Variants in EDIL3 observed in about 807,000 individuals in gnomAD.
EDIL3 encodes the protein EGF-like repeat and discoidin I-like domain-containing protein 3.
Under a neutral mutation model 67.4 loss-of-function variants are expected in EDIL3, and 37 were observed. The ratio of observed to expected loss-of-function variants is 0.55; its 90% CI spans 0.42 to 0.72. The LOEUF (loss-of-function observed/expected upper bound fraction) is 0.72. Among genes scored for constraint, EDIL3 ranks in the 30% least tolerant of loss-of-function variants. The probability of loss-of-function intolerance (pLI) is 0.00; values close to 1 mark genes in which losing one functional copy is unlikely to be tolerated. For missense variants in EDIL3, 527 were observed against 586.3 expected (o/e 0.90, Z 1.04); for synonymous variants, 195 against 196.3 (o/e 0.99, Z 0.05).
At chr5:84,246,090 T>C (rs1429827809) in intron 2 of EDIL3, among the ~76,000 whole-genome samples, 5 of 152,228 alleles carry the variant, frequency 3.3e-5, no homozygotes, top group Non-Finnish European at 7.3e-5. Context: ...TATGTGTTTA[T>C]CAACTTGTTG....
chr5:83,975,981 G>C (rs907815203), intron 9 of EDIL3, among the ~76,000 whole-genome samples: 2 of 151,810 alleles, frequency 1.3e-5, no homozygotes, highest in African/African-American at 4.8e-5. Flanking sequence ...TTCAAGAAAT[G>C]CTAAAATATC....
intron 6 of EDIL3, among the ~76,000 whole-genome samples, chr5:84,077,329 T>C (rs1746880390): frequency 6.6e-6 from 1 of 152,224 alleles, no homozygotes; most frequent in South Asian, 2.1e-4. Context: ...TCAAGGGATA[T>C]GTGAACTGCA....
chr5:84,221,182 G>A (rs1744334096), intron 3 of EDIL3, among the ~76,000 whole-genome samples: 1 of 152,032 alleles, frequency 6.6e-6, no homozygotes, highest in Non-Finnish European at 1.5e-5. Context: ...AAACATAATG[G>A]TCTTAAGGCT....
At chr5:84,303,948 C>A (rs1746215782) in intron 1 of EDIL3, among the ~76,000 whole-genome samples, 1 of 151,688 alleles carries the variant, frequency 6.6e-6, no homozygotes, top group Non-Finnish European at 1.5e-5. Context: ...TTACAGCTAA[C>A]TTTTCCATTC....
intron 5 of EDIL3, among the ~76,000 whole-genome samples, chr5:84,119,212 G>GTTTTTTTTT (rs66522256): frequency 2.3e-4 from 19 of 82,294 alleles, no homozygotes; most frequent in East Asian, 3.9e-4. Context: ...CATGCATTTG[G>GTTTTTTTTT]TTTTTTTTTT....
intron 9 of EDIL3, among the ~76,000 whole-genome samples, chr5:83,981,203 C>T (rs1744964581): frequency 6.6e-6 from 1 of 151,996 alleles, no homozygotes; most frequent in South Asian, 2.1e-4. Flanking sequence ...GAAAACTCCA[C>T]AAAGTTTGAG....
intron 9 of EDIL3, among the ~76,000 whole-genome samples, chr5:83,992,342 C>T (rs1745166010): frequency 6.6e-6 from 1 of 152,116 alleles, no homozygotes. Flanking sequence ...AAAGAAAATA[C>T]TGATCCAGCA....
intron 1 of EDIL3, among the ~76,000 whole-genome samples, chr5:84,300,015 A>T (rs1225150879): frequency 1.3e-5 from 2 of 152,244 alleles, no homozygotes; most frequent in African/African-American, 2.4e-5. Context: ...TAATGCTGTC[A>T]TATCAAATTA....
At chr5:84,321,450 A>C (rs1453791216) in intron 1 of EDIL3, among the ~76,000 whole-genome samples, 4 of 152,142 alleles carry the variant, frequency 2.6e-5, no homozygotes, top group Non-Finnish European at 4.4e-5. Flanking sequence ...CTGTACTTAA[A>C]CAACAAATGC....
At chr5:84,110,257 A>G (rs527905105) in intron 5 of EDIL3, among the ~76,000 whole-genome samples, 6 of 152,158 alleles carry the variant, frequency 3.9e-5, no homozygotes, top group Non-Finnish European at 7.4e-5. Context: ...TTTCTTCACT[A>G]ATCATGTGGA....
chr5:84,176,484 A>C (rs971008051), intron 4 of EDIL3, among the ~76,000 whole-genome samples: 1 of 151,108 alleles, frequency 6.6e-6, no homozygotes, highest in African/African-American at 2.4e-5. Context: ...AAGGCTCTGG[A>C]GCTGTGCACA....
chr5:84,134,400 G>A (rs370663), intron 5 of EDIL3, among the ~76,000 whole-genome samples: 7,305 of 152,222 alleles, frequency 0.048, 422 homozygotes, highest in East Asian at 0.12. Context: ...GGACATGCAT[G>A]ATACAAAGTC....
intron 1 of EDIL3, among the ~76,000 whole-genome samples, chr5:84,260,832 CA>C (rs1297790717): frequency 6.6e-6 from 1 of 151,804 alleles, no homozygotes; most frequent in Admixed American, 6.6e-5. Context: ...GAAGTAAAAG[CA>C]AAAAAGTAGT....
At chr5:83,953,660 TTGGTCCTCTGC>T (rs1395748639) in intron 10 of EDIL3, among the ~76,000 whole-genome samples, 1 of 151,812 alleles carries the variant, frequency 6.6e-6, no homozygotes, top group African/African-American at 2.4e-5. Flanking sequence ...TTTTCTGAGT[TTGGTCCTCTGC>T]TCACAGCTTC....
At chr5:84,364,308 C>T (rs572421318) in intron 1 of EDIL3, among the ~76,000 whole-genome samples, 1 of 152,258 alleles carries the variant, frequency 6.6e-6, no homozygotes, top group African/African-American at 2.4e-5. Flanking sequence ...GCTTGGAATT[C>T]AGAATTTGCC....
chr5:84,007,830 C>A (rs1423998468), intron 9 of EDIL3, among the ~76,000 whole-genome samples: 2 of 152,098 alleles, frequency 1.3e-5, no homozygotes, highest in Non-Finnish European at 2.9e-5. Flanking sequence ...TTCCTACTCC[C>A]AGGTTTATTG....
intron 1 of EDIL3, among the ~76,000 whole-genome samples, chr5:84,328,671 G>A (rs959007584): frequency 2.6e-5 from 4 of 151,982 alleles, no homozygotes; most frequent in Admixed American, 6.6e-5. Flanking sequence ...AATTTCTTCA[G>A]TTCAAAGAAC....
chr5:84,205,964 G>A (rs1290611925), intron 3 of EDIL3, among the ~76,000 whole-genome samples: 1 of 151,848 alleles, frequency 6.6e-6, no homozygotes. Flanking sequence ...GCTTTTGAAT[G>A]TGTTTGCTCT....
intron 1 of EDIL3, among the ~76,000 whole-genome samples, chr5:84,377,598 T>C (rs1431532548): frequency 1.3e-5 from 2 of 152,168 alleles, no homozygotes; most frequent in Admixed American, 6.5e-5. Context: ...TCCCAAAATA[T>C]ACCACTTTGT....
Sources: allele counts gnomAD v4.1 joint callset (sites outside exome capture counted in the v4.1 genomes callset), GRCh38; gene constraint gnomAD v4.1.1; transcripts MANE v1.5; gene names NCBI Gene and HGNC (gene_info 2026-07-23, HGNC 2026-07-21).